Variants in PPP2R2C observed in about 807,000 individuals in gnomAD.
PPP2R2C encodes the protein protein phosphatase 2, regulatory subunit B, gamma.
PPP2R2C carries 10 observed loss-of-function variants against 45.3 expected under a neutral mutation model. The observed-to-expected ratio is 0.22, with a 90% CI of 0.14 to 0.37. The LOEUF is 0.37. Among genes scored for constraint, PPP2R2C ranks in the 10% least tolerant of loss-of-function variants. PPP2R2C has a pLI of 1.00. For synonymous variants in PPP2R2C, 257 were observed against 245.4 expected (o/e 1.05, Z -0.44); for missense variants, 308 against 619.7 (o/e 0.50, Z 5.34).
chr4:6,511,243 G>GTGATGCTGATGCTGATGCTGATGC (rs79894855), intron 2 of PPP2R2C, among the ~76,000 whole-genome samples: 1 of 144,406 alleles, frequency 6.9e-6, no homozygotes, highest in African/African-American at 2.7e-5. Context: ...CGTTCCGCTG[G>GTGATGCTGATGCTGATGCTGATGC]TGATGCTGAT....
chr4:6,425,109 G>A (rs899174120), intron 1 of PPP2R2C, among the ~76,000 whole-genome samples: 17 of 152,310 alleles, frequency 1.1e-4, no homozygotes, highest in African/African-American at 2.2e-4. Context: ...TAGGGTTGCC[G>A]AGAGGATGAC....
At chr4:6,459,298 AC>A (rs1317460278) in intron 1 of PPP2R2C, among the ~76,000 whole-genome samples, 2 of 152,110 alleles carry the variant, frequency 1.3e-5, no homozygotes, top group African/African-American at 2.4e-5. Flanking sequence ...GTGCCTCTCC[AC>A]AAACTGCTTG....
intron 6 of PPP2R2C, among the ~76,000 whole-genome samples, chr4:6,340,050 G>T (rs1577081286): frequency 6.6e-6 from 1 of 152,176 alleles, no homozygotes; most frequent in East Asian, 1.9e-4. Flanking sequence ...GTACACAGTG[G>T]GGAGGGAGCA....
Position 6,324,618 on chromosome 4 carries a change from TAAAC to T in PPP2R2C, c.1053-1029_1053-1026del, listed in dbSNP as rs1731803365. On this transcript the variant is annotated intron_variant, in intron 8 of 8. Transcript: ENST00000382599. The surrounding 1 kb of genome is among the most constrained non-coding windows in gnomAD (Gnocchi z 4.1). ...CGCCTGTCCCGAGGACTCGGGCGAA[TAAAC>T]AAACATGCATCGCCATGAGGGTCGG... Among the ~76,000 whole-genome samples the T allele has an allele frequency of 6.6e-6, 1 of 152,088 alleles. No individual in the cohort carries two copies. Among genetic ancestry groups the T allele is most frequent in the African/African-American group, 2.4e-5 (1 of 41,404 alleles).
intron 1 of PPP2R2C, among the ~76,000 whole-genome samples, chr4:6,396,190 C>T (rs1425195404): frequency 1.3e-5 from 2 of 152,186 alleles, no homozygotes; most frequent in Non-Finnish European, 2.9e-5. Flanking sequence ...CTTCTCTGTG[C>T]CTGGTGGACT....
intron 1 of PPP2R2C, among the ~76,000 whole-genome samples, chr4:6,405,674 T>C (rs996396004): frequency 1.3e-5 from 2 of 151,550 alleles, no homozygotes; most frequent in Admixed American, 1.3e-4. Flanking sequence ...CAGGGGAGGG[T>C]CAGGGTCTGG....
intron 1 of PPP2R2C, among the ~76,000 whole-genome samples, chr4:6,543,055 G>T (rs918651882): frequency 4.6e-5 from 7 of 152,030 alleles, no homozygotes; most frequent in Non-Finnish European, 7.4e-5. Context: ...CAGACGCCCC[G>T]CAAGGAGGGA....
chr4:6,343,637 T>G (rs1308017685), intron 6 of PPP2R2C, among the ~76,000 whole-genome samples: 1 of 152,104 alleles, frequency 6.6e-6, no homozygotes, highest in Non-Finnish European at 1.5e-5. Context: ...AGAGAATCCC[T>G]TGAACCCAGG....
chr4:6,429,807 A>T (rs1051764700), intron 1 of PPP2R2C, among the ~76,000 whole-genome samples: 9 of 152,200 alleles, frequency 5.9e-5, no homozygotes, highest in Non-Finnish European at 1.3e-4. Flanking sequence ...CATCGTTGCC[A>T]GAAAGAACGG....
intron 4 of PPP2R2C, among the ~76,000 whole-genome samples, chr4:6,373,900 C>T (rs937832037): frequency 8.1e-6 from 1 of 123,798 alleles, no homozygotes; most frequent in East Asian, 2.4e-4. Context: ...TATGTGCATG[C>T]ATGTGTGTGT....
intron 5 of PPP2R2C, chr4:6,349,775 C>A: frequency 1.3e-6 from 1 of 762,010 alleles, no homozygotes; most frequent in Non-Finnish European, 1.6e-6. Context: ...CCTGTAGTCC[C>A]AGCTAATCAG....
intron 2 of PPP2R2C, among the ~76,000 whole-genome samples, chr4:6,477,855 G>A (rs77376903): frequency 4.6e-5 from 7 of 151,400 alleles, no homozygotes; most frequent in South Asian, 2.1e-4. Context: ...CAGCCCTGTC[G>A]ACATGCACTC....
intron 1 of PPP2R2C, among the ~76,000 whole-genome samples, chr4:6,541,728 T>C (rs1724808020): frequency 6.6e-6 from 1 of 152,168 alleles, no homozygotes; most frequent in Admixed American, 6.5e-5. Context: ...GTATTTTTAG[T>C]AGAGTTGGCC....
chr4:6,327,557 C>T (rs758604213), intron 8 of PPP2R2C, among the ~76,000 whole-genome samples: 2 of 152,242 alleles, frequency 1.3e-5, no homozygotes, highest in African/African-American at 2.4e-5. Flanking sequence ...GTTACAGCTG[C>T]AGGTCCCTCT....
intron 1 of PPP2R2C, among the ~76,000 whole-genome samples, chr4:6,465,066 G>A (rs1721525424): frequency 6.6e-6 from 1 of 152,130 alleles, no homozygotes; most frequent in South Asian, 2.1e-4. Flanking sequence ...TGACTTGGGG[G>A]CGGGGCCAAG....
intron 1 of PPP2R2C, among the ~76,000 whole-genome samples, chr4:6,404,041 G>A (rs955489234): frequency 3.9e-5 from 6 of 152,268 alleles, no homozygotes; most frequent in African/African-American, 1.4e-4. Context: ...TGACCTGCCT[G>A]TGGAGTCCCT....
upstream of PPP2R2C, among the ~76,000 whole-genome samples, chr4:6,473,687 G>T (rs556787770): frequency 6.6e-6 from 1 of 152,194 alleles, no homozygotes; most frequent in South Asian, 2.1e-4. Flanking sequence ...AATGGTTCTG[G>T]GGGAACTCCA....
At chr4:6,409,198 AG>A (rs751796391) in intron 1 of PPP2R2C, among the ~76,000 whole-genome samples, 11 of 152,360 alleles carry the variant, frequency 7.2e-5, no homozygotes, top group Non-Finnish European at 1.3e-4. Context: ...GTTATATTGC[AG>A]GAAGGTAATT....
At chr4:6,389,620 C>T (rs939054741) in intron 1 of PPP2R2C, among the ~76,000 whole-genome samples, 9 of 152,160 alleles carry the variant, frequency 5.9e-5, no homozygotes, top group Admixed American at 1.3e-4. Flanking sequence ...TGGGGAGCCC[C>T]CTCCTCACGG....
Sources: gnomAD v4.1 joint callset for allele counts (sites outside exome capture counted in the v4.1 genomes callset) on GRCh38, gnomAD v4.1.1 for gene constraint, Gnocchi (gnomAD v3.1) non-coding constraint, MANE v1.5 for transcripts, NCBI Gene and HGNC (gene_info 2026-07-23, HGNC 2026-07-21) for gene names.